The following RAB11FIP3 variants were observed in gnomAD, a reference collection of about 807,000 sequenced individuals.
The protein encoded by RAB11FIP3 is rab11 family-interacting protein 3.
Under a neutral mutation model 77.8 loss-of-function variants are expected in RAB11FIP3, and 17 were observed. That is an observed-to-expected ratio of 0.22 (90% CI 0.15 to 0.33). RAB11FIP3 has a LOEUF of 0.33. Ranked by LOEUF, RAB11FIP3 falls within the 10% of genes least tolerant of loss-of-function variation. The pLI is 1.00. For missense variants in RAB11FIP3, 1,005 were observed against 1,011.2 expected (o/e 0.99, Z 0.08); for synonymous variants, 437 against 448.2 (o/e 0.98, Z 0.31).
Position 425,732 on chromosome 16 carries a change from C to A in RAB11FIP3, c.-275C>A. 3.1e-6 allele frequency: 1 copy of A among 324,978 alleles called. No individual in the cohort carries two copies. The allele number at this position is 324,978 out of a possible 1,614,324, so 20.1% of individuals were successfully genotyped here. A position where few individuals can be genotyped will look rare whatever the true frequency, so the allele number is the denominator to read the frequency against. On this transcript the variant is annotated 5_prime_UTR_variant, in exon 1 of 14. Coordinates refer to ENST00000262305, the MANE Select transcript of RAB11FIP3 (RefSeq NM_014700.4). ...CCCCGTCCCCCGGCCTCCTCGGCCC[C>A]CGTCCCCCGCCATCCGCCGCCCGGA...
At chr16:491,201 C>A in intron 5 of RAB11FIP3, 1 of 1,304,800 alleles carries the variant, frequency 7.7e-7, no homozygotes. Flanking sequence ...TTACTGTAGC[C>A]AGTGCCACAA....
intron 1 of RAB11FIP3, among the ~76,000 whole-genome samples, chr16:460,089 A>C (rs1465023174): frequency 1.3e-5 from 2 of 151,826 alleles, no homozygotes; most frequent in African/African-American, 2.4e-5. Context: ...GTTGGTCAGG[A>C]TGATCTGGAA....
intron 3 of RAB11FIP3, among the ~76,000 whole-genome samples, chr16:480,815 A>AT (rs535222593): frequency 0.37 from 21,876 of 58,870 alleles, 5,886 homozygotes; most frequent in Middle Eastern, 0.51. Context: ...ATTTATTTTA[A>AT]TTTTTTTTTT....
rs1266934659 is a variant in RAB11FIP3, at chr16:455,069, C to A, written c.715-6335C>A. Reference sequence around the variant, plus strand: ...CGTCTCAAAAAAAAAAACAAAAAAACTAGGCTTTCTTTCTTTTTTTTTTTT... The same window carrying A: ...CGTCTCAAAAAAAAAAACAAAAAAAATAGGCTTTCTTTCTTTTTTTTTTTT... On this transcript the variant is annotated intron_variant, in intron 1 of 13. Coordinates refer to ENST00000262305, the MANE Select transcript of RAB11FIP3 (RefSeq NM_014700.4). 2.2e-3 allele frequency among the ~76,000 whole-genome samples: 313 copies of A among 142,438 alleles called. 2 individuals carry two copies. Among genetic ancestry groups the A allele is most frequent in the African/African-American group, 7.7e-3 (290 of 37,618 alleles). The allele number at this position is 142,438 out of a possible 152,430, so 93.4% of individuals were successfully genotyped here.
intron 1 of RAB11FIP3, among the ~76,000 whole-genome samples, chr16:446,228 C>T (rs1167425680): frequency 6.6e-6 from 1 of 152,130 alleles, no homozygotes; most frequent in Non-Finnish European, 1.5e-5. Context: ...GCACTCCAGC[C>T]TGGGCAGCAT....
chr16:492,323 G>A (rs1166893698), intron 5 of RAB11FIP3, among the ~76,000 whole-genome samples: 1 of 124,500 alleles, frequency 8.0e-6, no homozygotes, highest in African/African-American at 3.7e-5. Flanking sequence ...GGTCTTGGCA[G>A]CACTGGTGAG....
rs182408423 is a variant in RAB11FIP3 at position 454,143 on chromosome 16, T to C, written c.715-7261T>C. ...CAGTAGGCGGGTCTTTGTTCCTTGC[T>C]CACACACCCAGTTAAAAGCAAAGGC... On this transcript the variant is annotated intron_variant, in intron 1 of 13. Coordinates refer to ENST00000262305, the MANE Select transcript of RAB11FIP3 (RefSeq NM_014700.4). Among the ~76,000 whole-genome samples, 708 of 152,276 alleles carry C rather than the reference T, an allele frequency of 4.6e-3. 2 individuals carry two copies. Among genetic ancestry groups the C allele is most frequent in the African/African-American group, 0.016 (668 of 41,562 alleles).
chr16:502,155 G>T (rs538173095), intron 6 of RAB11FIP3, among the ~76,000 whole-genome samples: 1 of 152,404 alleles, frequency 6.6e-6, no homozygotes, highest in South Asian at 2.1e-4. Flanking sequence ...CTGTGCGAGT[G>T]CTCTGAGAGT....
chr16:454,884 T>C (rs2055470224), intron 1 of RAB11FIP3, among the ~76,000 whole-genome samples: 1 of 151,812 alleles, frequency 6.6e-6, no homozygotes, highest in African/African-American at 2.4e-5. Context: ...ACGACGTCTC[T>C]ACTAAAAATT....
intron 6 of RAB11FIP3, 179 bp downstream of exon 6, chr16:497,038 C>G (rs2141835615): frequency 1.4e-6 from 1 of 696,266 alleles, no homozygotes; most frequent in East Asian, 3.6e-5. Flanking sequence ...GTTTCCAGGG[C>G]TGTGAATTTG....
intron 2 of RAB11FIP3, among the ~76,000 whole-genome samples, chr16:465,955 C>A (rs2055695051): frequency 6.6e-6 from 1 of 152,160 alleles, no homozygotes; most frequent in Non-Finnish European, 1.5e-5. Context: ...TCACAGGGAA[C>A]AGGACTGTAA....
At chr16:437,877 C>T (rs576881846) in intron 1 of RAB11FIP3, among the ~76,000 whole-genome samples, 2 of 151,904 alleles carry the variant, frequency 1.3e-5, no homozygotes, top group South Asian at 4.2e-4. Flanking sequence ...ATTCTTGGCC[C>T]ATACCCACTG....
At chr16:513,355 G>A (rs1343456443) in intron 9 of RAB11FIP3, among the ~76,000 whole-genome samples, 3 of 152,072 alleles carry the variant, frequency 2.0e-5, no homozygotes, top group African/African-American at 7.2e-5. Flanking sequence ...GAGTTGCTGG[G>A]GCTCCAAGTG....
chr16:516,149 G>C (rs1276728281), intron 9 of RAB11FIP3, among the ~76,000 whole-genome samples: 1 of 152,234 alleles, frequency 6.6e-6, no homozygotes, highest in African/African-American at 2.4e-5. Flanking sequence ...CAAAGCAAGA[G>C]CAAGTCCCCT....
chr16:448,870 G>A (rs922757869), intron 1 of RAB11FIP3, among the ~76,000 whole-genome samples: 3 of 151,994 alleles, frequency 2.0e-5, no homozygotes, highest in African/African-American at 7.3e-5. Context: ...AGCCAAGATC[G>A]CACCACTGCA....
chr16:443,588 G>C (rs2055261023), intron 1 of RAB11FIP3, among the ~76,000 whole-genome samples: 1 of 152,148 alleles, frequency 6.6e-6, no homozygotes, highest in Non-Finnish European at 1.5e-5. Context: ...GTTGTTGAGA[G>C]GGAGTCTCGC....
intron 6 of RAB11FIP3, among the ~76,000 whole-genome samples, chr16:499,524 G>A (rs2031368165): frequency 1.3e-5 from 2 of 152,304 alleles, no homozygotes; most frequent in Middle Eastern, 3.4e-3. Context: ...TGAGCCGGAC[G>A]CAGTGGCTCA....
At chr16:476,666 C>T (rs1320524609) in intron 3 of RAB11FIP3, among the ~76,000 whole-genome samples, 1 of 151,620 alleles carries the variant, frequency 6.6e-6, no homozygotes. Context: ...AATCCCAGCA[C>T]TTTGGGAGGC....
intron 6 of RAB11FIP3, among the ~76,000 whole-genome samples, chr16:499,039 C>T (rs1391240908): frequency 6.6e-6 from 1 of 151,958 alleles, no homozygotes; most frequent in African/African-American, 2.4e-5. Context: ...GGAGAAACCC[C>T]ATCTCTACTA....
Sources: gnomAD v4.1 joint callset for allele counts (sites outside exome capture counted in the v4.1 genomes callset) on GRCh38, gnomAD v4.1.1 for gene constraint, MANE v1.5 for transcripts, NCBI Gene and HGNC (gene_info 2026-07-23, HGNC 2026-07-21) for gene names.